The following SOX5 variants were observed in gnomAD, a reference collection of about 807,000 sequenced individuals.
SOX5 encodes the protein SRY-box transcription factor 5.
Under a neutral mutation model 92.0 loss-of-function variants are expected in SOX5, and 9 were observed. The observed-to-expected ratio is 0.10, with a 90% CI of 0.06 to 0.17. SOX5 has a LOEUF of 0.17. Ranked by LOEUF, SOX5 falls within the 10% of genes least tolerant of loss-of-function variation. The pLI is 1.00. For missense variants in SOX5, 642 were observed against 944.5 expected (o/e 0.68, Z 4.20); for synonymous variants, 344 against 336.3 (o/e 1.02, Z -0.25).
intron 4 of SOX5, among the ~76,000 whole-genome samples, chr12:24,065,197 T>C (rs1189181481): frequency 6.6e-6 from 1 of 152,160 alleles, no homozygotes; most frequent in Non-Finnish European, 1.5e-5. Context: ...AGTGTGATCT[T>C]GGCTATCTCC....
chr12:24,149,100 T>G (rs1951405026), intron 4 of SOX5, among the ~76,000 whole-genome samples: 1 of 152,052 alleles, frequency 6.6e-6, no homozygotes, highest in African/African-American at 2.4e-5. Context: ...ATCACAGACC[T>G]AAATATAAAC....
intron 11 of SOX5, among the ~76,000 whole-genome samples, chr12:23,550,798 CT>C (rs1413852509): frequency 2.0e-5 from 3 of 151,826 alleles, no homozygotes; most frequent in Admixed American, 6.6e-5. Context: ...TAAAAAACAA[CT>C]GAAAATTCAC....
intron 1 of SOX5, among the ~76,000 whole-genome samples, chr12:24,379,313 T>C (rs1334402248): frequency 6.6e-6 from 1 of 152,198 alleles, no homozygotes; most frequent in Non-Finnish European, 1.5e-5. Flanking sequence ...GGTGTTGAGA[T>C]GAACAAAATA....
At chr12:23,820,169 TC>T (rs2096078168) in intron 3 of SOX5, among the ~76,000 whole-genome samples, 1 of 152,256 alleles carries the variant, frequency 6.6e-6, no homozygotes, top group South Asian at 2.1e-4. Context: ...TTTGCATTTC[TC>T]TAATGACCAG....
At chr12:24,138,298 T>A (rs12818860) in intron 4 of SOX5, among the ~76,000 whole-genome samples, 32,714 of 152,200 alleles carry the variant, frequency 0.21, 3,803 homozygotes, top group African/African-American at 0.29. Context: ...TGAGAACTGA[T>A]TTTTTCTCCT....
At chr12:23,828,180 T>C (rs1350688865) in intron 3 of SOX5, among the ~76,000 whole-genome samples, 2 of 152,232 alleles carry the variant, frequency 1.3e-5, no homozygotes, top group African/African-American at 4.8e-5. Flanking sequence ...TAACATACTG[T>C]ACAGGCTTGG....
At chr12:23,566,933 A>T (rs561683417) in intron 10 of SOX5, among the ~76,000 whole-genome samples, 1 of 152,244 alleles carries the variant, frequency 6.6e-6, no homozygotes, top group Non-Finnish European at 1.5e-5. Context: ...CCTTAACTAC[A>T]AAATGAAGGT....
intron 1 of SOX5, among the ~76,000 whole-genome samples, chr12:24,514,957 A>G (rs1000923770): frequency 3.9e-5 from 6 of 152,246 alleles, no homozygotes; most frequent in Admixed American, 1.3e-4. Flanking sequence ...TAGGCTTAAT[A>G]CCTGGGTGAT....
At chr12:23,569,630 T>C (rs1164655154) in intron 10 of SOX5, among the ~76,000 whole-genome samples, 1 of 152,248 alleles carries the variant, frequency 6.6e-6, no homozygotes, top group Non-Finnish European at 1.5e-5. Flanking sequence ...GTTTAAGCTG[T>C]ACACAACATT....
intron 1 of SOX5, among the ~76,000 whole-genome samples, chr12:23,945,239 T>TTTGTCTCTC (rs1281208653): frequency 1.3e-5 from 2 of 152,194 alleles, no homozygotes. Flanking sequence ...GGTCTTATTA[T>TTTGTCTCTC]ATGTCTCTCA....
chr12:23,685,103 A>G (rs1230333133), intron 6 of SOX5, among the ~76,000 whole-genome samples: 2 of 152,100 alleles, frequency 1.3e-5, no homozygotes, highest in African/African-American at 4.8e-5. Flanking sequence ...AAGCTACTCA[A>G]AGTTGTCTAT....
upstream of SOX5, among the ~76,000 whole-genome samples, chr12:23,953,861 T>C (rs1186627883): frequency 6.6e-6 from 1 of 151,986 alleles, no homozygotes; most frequent in Non-Finnish European, 1.5e-5. Flanking sequence ...GCCGCATCGG[T>C]ATAATGGAAA....
chr12:23,895,160 T>C (rs1234126998), intron 2 of SOX5, among the ~76,000 whole-genome samples: 3 of 126,418 alleles, frequency 2.4e-5, no homozygotes, highest in East Asian at 4.5e-4. Context: ...GACCCTAGGA[T>C]AAGGGGTCAG....
chr12:23,858,119 C>T (rs772354262), intron 2 of SOX5, among the ~76,000 whole-genome samples: 2 of 151,636 alleles, frequency 1.3e-5, no homozygotes, highest in African/African-American at 4.9e-5. Flanking sequence ...TATATGTGCA[C>T]TTTGTTGTTT....
intron 1 of SOX5, among the ~76,000 whole-genome samples, chr12:24,490,840 T>C (rs189352189): frequency 6.6e-6 from 1 of 152,332 alleles, no homozygotes; most frequent in Non-Finnish European, 1.5e-5. Flanking sequence ...ATATTCCTTT[T>C]ATGCCTCTTT....
intron 6 of SOX5, among the ~76,000 whole-genome samples, chr12:23,679,626 G>A (rs976502171): frequency 2.6e-5 from 4 of 151,924 alleles, no homozygotes; most frequent in African/African-American, 9.7e-5. Context: ...CTTCCTAAAT[G>A]GTCAGTAAAA....
At chr12:24,009,683 A>T (rs988511172) in intron 4 of SOX5, among the ~76,000 whole-genome samples, 1 of 152,232 alleles carries the variant, frequency 6.6e-6, no homozygotes, top group African/African-American at 2.4e-5. Flanking sequence ...ATGAAAGCCA[A>T]AAAGAAAATG....
At chr12:23,611,704 A>C (rs780479555) in intron 8 of SOX5, among the ~76,000 whole-genome samples, 14 of 152,120 alleles carry the variant, frequency 9.2e-5, no homozygotes, top group Non-Finnish European at 1.9e-4. Flanking sequence ...AGCATATGAC[A>C]GTGTATGGTT....
intron 14 of SOX5, 140 bp downstream of exon 14, chr12:23,536,313 G>A: frequency 3.0e-6 from 2 of 667,370 alleles, no homozygotes; most frequent in East Asian, 2.7e-5. Context: ...GATCATGTGG[G>A]AGACTATTTG....
Sources: allele counts gnomAD v4.1 joint callset (sites outside exome capture counted in the v4.1 genomes callset), GRCh38; gene constraint gnomAD v4.1.1; transcripts MANE v1.5; gene names NCBI Gene and HGNC (gene_info 2026-07-23, HGNC 2026-07-21).